The following DPF3 variants were observed in gnomAD, a reference collection of about 807,000 sequenced individuals.
The protein encoded by DPF3 is double PHD fingers 3.
DPF3 carries 18 observed loss-of-function variants against 56.8 expected under a neutral mutation model. That is an observed-to-expected ratio of 0.32 (90% CI 0.22 to 0.47). DPF3 has a LOEUF of 0.47. Among genes scored for constraint, DPF3 ranks in the 20% least tolerant of loss-of-function variants. The pLI is 1.00. For missense variants in DPF3, 403 were observed against 488.8 expected (o/e 0.82, Z 1.65); for synonymous variants, 188 against 180.2 (o/e 1.04, Z -0.35).
chr14:72,730,013 A>G (rs1889574060), intron 4 of DPF3, among the ~76,000 whole-genome samples: 2 of 152,164 alleles, frequency 1.3e-5, no homozygotes, highest in African/African-American at 2.4e-5. Context: ...AGGCTATACC[A>G]GGGGTACACA....
chr14:72,683,437 T>G (rs927140241), intron 7 of DPF3, among the ~76,000 whole-genome samples: 1 of 147,628 alleles, frequency 6.8e-6, no homozygotes, highest in African/African-American at 2.5e-5. Flanking sequence ...CAGGTGATTC[T>G]GATGCAGCCT....
At chr14:72,756,882 AAGG>A (rs1349431509) in intron 2 of DPF3, among the ~76,000 whole-genome samples, 298 of 133,966 alleles carry the variant, frequency 2.2e-3, no homozygotes, top group South Asian at 5.4e-3. Flanking sequence ...GGAAGGAAAG[AAGG>A]AAAGAAAGAA....
At chr14:72,641,587 C>A (rs965420827) in intron 8 of DPF3, among the ~76,000 whole-genome samples, 7 of 152,150 alleles carry the variant, frequency 4.6e-5, no homozygotes, top group African/African-American at 1.7e-4. Context: ...GATCAAGTGG[C>A]AGTGATGAAA....
intron 8 of DPF3, among the ~76,000 whole-genome samples, chr14:72,642,136 C>T (rs1400440145): frequency 1.3e-5 from 2 of 152,364 alleles, no homozygotes; most frequent in South Asian, 2.1e-4. Flanking sequence ...GAGATGCCTG[C>T]AGCCTTGGCC....
At chr14:72,866,267 C>T (rs1032591366) in intron 1 of DPF3, among the ~76,000 whole-genome samples, 1 of 151,306 alleles carries the variant, frequency 6.6e-6, no homozygotes, top group African/African-American at 2.4e-5. Context: ...ACAGCCTCCA[C>T]GCACAAGCCA....
At chr14:72,712,361 G>C (rs1401970351) in intron 6 of DPF3, among the ~76,000 whole-genome samples, 1 of 152,178 alleles carries the variant, frequency 6.6e-6, no homozygotes, top group Non-Finnish European at 1.5e-5. Context: ...GCACTTCATG[G>C]AGATGATCCA....
intron 1 of DPF3, among the ~76,000 whole-genome samples, chr14:72,787,705 A>T (rs1293027086): frequency 6.6e-6 from 1 of 152,086 alleles, no homozygotes; most frequent in Non-Finnish European, 1.5e-5. Flanking sequence ...CCCTACTAAT[A>T]AGCTGTTTGT....
chr14:72,768,933 CTGTG>C (rs10543093), intron 2 of DPF3, among the ~76,000 whole-genome samples: 47,460 of 146,268 alleles, frequency 0.32, 7,518 homozygotes, highest in South Asian at 0.35. Context: ...GTGTGAGTGT[CTGTG>C]TGTGTGTGTG....
intron 8 of DPF3, among the ~76,000 whole-genome samples, chr14:72,634,698 G>C (rs955132362): frequency 5.4e-5 from 8 of 148,856 alleles, no homozygotes; most frequent in Admixed American, 2.0e-4. Flanking sequence ...TTAATGGCAA[G>C]TACTGCAATT....
intron 1 of DPF3, among the ~76,000 whole-genome samples, chr14:72,866,205 T>G (rs1427981964): frequency 6.6e-6 from 1 of 152,062 alleles, no homozygotes; most frequent in Admixed American, 6.6e-5. Flanking sequence ...ACCAGGCACA[T>G]TCCCACCACC....
chr14:72,628,510 C>T (rs1429350656), intron 9 of DPF3, among the ~76,000 whole-genome samples: 1 of 152,084 alleles, frequency 6.6e-6, no homozygotes, highest in African/African-American at 2.4e-5. Context: ...TATTTTGCAA[C>T]CCCTAACAAA....
At chr14:72,710,656 C>T (rs1888613555) in intron 6 of DPF3, among the ~76,000 whole-genome samples, 1 of 152,212 alleles carries the variant, frequency 6.6e-6, no homozygotes, top group South Asian at 2.1e-4. Flanking sequence ...TTCTAAGAAG[C>T]GTCTAGGCAT....
intron 1 of DPF3, among the ~76,000 whole-genome samples, chr14:72,808,844 T>C (rs1376964642): frequency 6.6e-6 from 1 of 152,216 alleles, no homozygotes; most frequent in East Asian, 1.9e-4. Flanking sequence ...GATTTTGGCA[T>C]TCTTAGGAGT....
At position 72,690,851 on chromosome 14, in the gene DPF3, G is replaced by A. The variant is rs566104225; in HGVS notation, c.742+2225C>T. Reference sequence around the variant, plus strand: ...AGCTAATAAACACTTTAGAGAGCGCGACAATGGCGAAGAAACACTTTTCAG... The same window carrying A: ...AGCTAATAAACACTTTAGAGAGCGCAACAATGGCGAAGAAACACTTTTCAG... On this transcript the variant is annotated intron_variant, in intron 7 of 10. Transcript: ENST00000556509. Among the ~76,000 whole-genome samples the A allele has an allele frequency of 4.6e-5, 7 of 152,316 alleles. No homozygotes were observed. The East Asian group carries it at 5.8e-4, about 13-fold the overall frequency.
chr14:72,790,342 A>G (rs1255461392), intron 1 of DPF3, among the ~76,000 whole-genome samples: 3 of 152,204 alleles, frequency 2.0e-5, no homozygotes, highest in African/African-American at 7.2e-5. Context: ...TCACCCCTCT[A>G]TCACCAGTGC....
intron 1 of DPF3, among the ~76,000 whole-genome samples, chr14:72,841,849 A>G (rs1167712289): frequency 6.6e-6 from 1 of 152,112 alleles, no homozygotes; most frequent in African/African-American, 2.4e-5. Context: ...TTGGGAGGCC[A>G]AGATAGGATG....
rs1884257301 is a variant in DPF3, at chr14:72,619,065, G to A, written c.*232C>T. Among the ~76,000 whole-genome samples, 1 of 152,214 alleles carries A rather than the reference G, an allele frequency of 6.6e-6. No homozygotes were observed. The highest frequency in any genetic ancestry group is 6.5e-5 in the Admixed American group (1 of 15,282). ...CTGGGGCCGGAGGTGTTCTCCCAAA[G>A]TGCAACTTCCTTCCGGTAGAGACAA... On this transcript the variant is annotated 3_prime_UTR_variant, in exon 11 of 11. Coordinates refer to ENST00000556509, the MANE Select transcript of DPF3 (RefSeq NM_001280542.3).
intron 1 of DPF3, among the ~76,000 whole-genome samples, chr14:72,787,790 G>A (rs1892269379): frequency 6.6e-6 from 1 of 152,198 alleles, no homozygotes; most frequent in Admixed American, 6.5e-5. Context: ...AGGAAGACAA[G>A]TTCAGTTTGG....
chr14:72,838,908 C>CTATATATTTTTTTTT (rs1884428149), intron 1 of DPF3, among the ~76,000 whole-genome samples: 1 of 78,618 alleles, frequency 1.3e-5, no homozygotes. Context: ...CATATATATT[C>CTATATATTTTTTTTT]TTTTTTTTTT....
Sources: gnomAD v4.1 joint callset for allele counts (sites outside exome capture counted in the v4.1 genomes callset) on GRCh38, gnomAD v4.1.1 for gene constraint, MANE v1.5 for transcripts, NCBI Gene and HGNC (gene_info 2026-07-23, HGNC 2026-07-21) for gene names.